CREB5: variants seen among roughly 807,000 people sequenced by gnomAD.
CREB5 encodes cyclic AMP-responsive element-binding protein 5.
In CREB5, 19 loss-of-function variants were observed where a neutral mutation model predicts 57.1. That is an observed-to-expected ratio of 0.33 (90% CI 0.23 to 0.49). CREB5 has a LOEUF of 0.49. Among genes scored for constraint, CREB5 ranks in the 20% least tolerant of loss-of-function variants. CREB5 has a pLI of 0.99. For missense variants in CREB5, 579 were observed against 671.6 expected (o/e 0.86, Z 1.52); for synonymous variants, 238 against 238.3 (o/e 1.00, Z 0.01).
intron 1 of CREB5, among the ~76,000 whole-genome samples, chr7:28,306,729 T>G (rs549971498): frequency 6.6e-6 from 1 of 152,086 alleles, no homozygotes; most frequent in East Asian, 1.9e-4. Context: ...CCCGGCTAAT[T>G]TTTTGTATTT....
chr7:28,750,301 G>A (rs1415048923), intron 7 of CREB5, among the ~76,000 whole-genome samples: 1 of 152,128 alleles, frequency 6.6e-6, no homozygotes, highest in Non-Finnish European at 1.5e-5. Flanking sequence ...TCACTGTCCT[G>A]AAGTTGGGGC....
At chr7:28,537,377 G>A (rs924086200) in intron 4 of CREB5, among the ~76,000 whole-genome samples, 19 of 99,926 alleles carry the variant, frequency 1.9e-4, no homozygotes, top group Non-Finnish European at 2.1e-5. Flanking sequence ...TGCACTTAAA[G>A]CCTTTTTTTT....
chr7:28,623,092 A>C (rs946868982), intron 5 of CREB5, among the ~76,000 whole-genome samples: 1 of 152,078 alleles, frequency 6.6e-6, no homozygotes, highest in African/African-American at 2.4e-5. Flanking sequence ...CATGTTGACC[A>C]GGCTGGTCTT....
chr7:28,772,840 C>T (rs1043610663), intron 7 of CREB5, among the ~76,000 whole-genome samples: 5 of 152,062 alleles, frequency 3.3e-5, no homozygotes, highest in East Asian at 1.9e-4. Flanking sequence ...CATTTTGGGG[C>T]GGGCAGAGTA....
intron 1 of CREB5, among the ~76,000 whole-genome samples, chr7:28,313,945 G>T (rs1785328481): frequency 1.3e-5 from 2 of 152,156 alleles, no homozygotes. Flanking sequence ...ATAGAAATAG[G>T]TAAGCATAAA....
chr7:28,564,316 C>A (rs957085220), intron 4 of CREB5, among the ~76,000 whole-genome samples: 2 of 152,168 alleles, frequency 1.3e-5, no homozygotes, highest in Non-Finnish European at 1.5e-5. Context: ...CATTTTGAGA[C>A]CTTACAGGAA....
intron 1 of CREB5, among the ~76,000 whole-genome samples, chr7:28,338,183 T>C (rs1785863608): frequency 6.6e-6 from 1 of 152,232 alleles, no homozygotes; most frequent in Non-Finnish European, 1.5e-5. Context: ...TAATATTGTG[T>C]GTTTTTCTGC....
chr7:28,326,500 A>G (rs1785609832), intron 1 of CREB5, among the ~76,000 whole-genome samples: 1 of 152,216 alleles, frequency 6.6e-6, no homozygotes, highest in South Asian at 2.1e-4. Context: ...TTAACAACTT[A>G]TAACTTTCCA....
intron 1 of CREB5, among the ~76,000 whole-genome samples, chr7:28,362,769 T>G (rs949232937): frequency 2.6e-5 from 4 of 152,064 alleles, no homozygotes; most frequent in African/African-American, 4.8e-5. Context: ...CACATGAAAA[T>G]CGGAAAAACA....
intron 3 of CREB5, among the ~76,000 whole-genome samples, chr7:28,499,483 A>G (rs1014397221): frequency 4.6e-5 from 7 of 152,260 alleles, no homozygotes; most frequent in Middle Eastern, 3.4e-3. Context: ...AGGGGAAGAT[A>G]AAGTTCAAGA....
chr7:28,620,907 C>T (rs922128681), intron 5 of CREB5, among the ~76,000 whole-genome samples: 1 of 152,148 alleles, frequency 6.6e-6, no homozygotes, highest in Admixed American at 6.5e-5. Flanking sequence ...ATTAACATTT[C>T]GCAAACCCAA....
chr7:28,664,817 A>G (rs1471964449), intron 5 of CREB5, among the ~76,000 whole-genome samples: 2 of 152,208 alleles, frequency 1.3e-5, no homozygotes, highest in African/African-American at 4.8e-5. Flanking sequence ...AATACCCCAG[A>G]AGAGCAAAAA....
At chr7:28,613,132 C>T (rs1296228830) in intron 5 of CREB5, among the ~76,000 whole-genome samples, 1 of 152,180 alleles carries the variant, frequency 6.6e-6, no homozygotes, top group Non-Finnish European at 1.5e-5. Flanking sequence ...CTCTATACCT[C>T]AGCAAACCAT....
Position 28,467,193 on chromosome 7 carries a change from CA to C in CREB5, c.4-20981del, listed in dbSNP as rs548671198. Among the ~76,000 whole-genome samples the C allele has an allele frequency of 4.8e-3, 726 of 152,282 alleles. 5 individuals are homozygous for C. The highest frequency in any genetic ancestry group is 0.017 in the African/African-American group (691 of 41,566). On this transcript the variant is annotated intron_variant, in intron 1 of 10. Transcript: ENST00000357727. ...GTGGGGAGGGGCAATTGGTAGAGGG[CA>C]GCCTCCTAGGGCAGAGGGAAGAGAG... is the stretch of plus-strand genomic sequence containing the variant.
At chr7:28,406,923 TA>T (rs11332678) in intron 1 of CREB5, among the ~76,000 whole-genome samples, 108,201 of 149,786 alleles carry the variant, frequency 0.72, 39,077 homozygotes, top group East Asian at 0.92. Context: ...GTTAAGTTTG[TA>T]AAAAAAAAAA....
At chr7:28,710,728 G>A (rs1407513991) in intron 5 of CREB5, among the ~76,000 whole-genome samples, 2 of 152,150 alleles carry the variant, frequency 1.3e-5, no homozygotes, top group Non-Finnish European at 2.9e-5. Flanking sequence ...ACACCAATTG[G>A]AAATTTGTAA....
intron 7 of CREB5, among the ~76,000 whole-genome samples, chr7:28,777,054 T>C (rs1806697848): frequency 6.6e-6 from 1 of 152,218 alleles, no homozygotes; most frequent in South Asian, 2.1e-4. Context: ...TTCTTTTGGG[T>C]ATATGCCTAG....
intron 5 of CREB5, among the ~76,000 whole-genome samples, chr7:28,707,950 T>G (rs1291103543): frequency 6.6e-6 from 1 of 152,216 alleles, no homozygotes; most frequent in Non-Finnish European, 1.5e-5. Flanking sequence ...AGTCTTCCCT[T>G]CCGGCTTTTT....
chr7:28,451,465 TGTGTGTGTGTG>T (rs1440804200), intron 1 of CREB5, among the ~76,000 whole-genome samples: 2 of 149,888 alleles, frequency 1.3e-5, no homozygotes, highest in Admixed American at 6.7e-5. Context: ...TGTGTGTGTG[TGTGTGTGTGTG>T]TGTGTGTGTG....
Sources: gnomAD v4.1 joint callset for allele counts (sites outside exome capture counted in the v4.1 genomes callset) on GRCh38, gnomAD v4.1.1 for gene constraint, MANE v1.5 for transcripts, NCBI Gene and HGNC (gene_info 2026-07-23, HGNC 2026-07-21) for gene names.